Variants in ARHGEF9 observed in about 807,000 individuals in gnomAD.
ARHGEF9 encodes Cdc42 guanine nucleotide exchange factor 9.
ARHGEF9 carries 2 observed loss-of-function variants against 41.3 expected under a neutral mutation model. The observed-to-expected ratio is 0.05, with a 90% confidence interval of 0.02 to 0.15. The LOEUF (loss-of-function observed/expected upper bound fraction) is 0.15. ARHGEF9 is among the 10% of genes least tolerant of loss of function. ARHGEF9 has a pLI of 1.00. For synonymous variants in ARHGEF9, 160 were observed against 154.4 expected, an observed-to-expected ratio of 1.04 and a Z score of -0.27; for missense variants, 225 against 424.7, an observed-to-expected ratio of 0.53 and a Z score of 4.13.
chrX:63,720,558 G>C (rs782653814), intron 2 of ARHGEF9, among the ~76,000 whole-genome samples: 1 of 112,449 alleles, frequency 8.9e-6, no homozygotes, highest in South Asian at 3.7e-4. Flanking sequence ...ACATACCAAA[G>C]GAAGCCAAGA....
At chrX:63,701,005 T>C (rs1421870702) in intron 3 of ARHGEF9, among the ~76,000 whole-genome samples, 1 of 111,687 alleles carries the variant, frequency 9.0e-6, no homozygotes, top group Non-Finnish European at 1.9e-5. Flanking sequence ...ACAACTGGCA[T>C]AAATTAGCTC....
intron 1 of ARHGEF9, among the ~76,000 whole-genome samples, chrX:63,780,610 A>C (rs1471542357): frequency 8.9e-6 from 1 of 112,539 alleles, no homozygotes; most frequent in Non-Finnish European, 1.9e-5. Flanking sequence ...CTTAATACAA[A>C]AAACAAACAA....
At chrX:63,657,452 C>T (rs1164628904) in intron 7 of ARHGEF9, 7 of 111,924 alleles carry the variant, frequency 6.3e-5, no homozygotes, top group South Asian at 3.7e-4. Flanking sequence ...AAGGCCCAGG[C>T]TGGAAAATAC....
intron 1 of ARHGEF9, among the ~76,000 whole-genome samples, chrX:63,757,730 A>G (rs1247784407): frequency 1.2e-4 from 13 of 111,565 alleles, no homozygotes; most frequent in African/African-American, 2.9e-4. Flanking sequence ...TCCCTCCCCA[A>G]TTAAGCCTCT....
chrX:63,746,034 C>T (rs1393840147), intron 1 of ARHGEF9, among the ~76,000 whole-genome samples: 2 of 112,183 alleles, frequency 1.8e-5, no homozygotes, highest in Non-Finnish European at 1.9e-5. Context: ...ATTTTAGTGA[C>T]GTGGAAGCTG....
intron 6 of ARHGEF9, among the ~76,000 whole-genome samples, chrX:63,673,700 A>G (rs2050095816): frequency 9.0e-6 from 1 of 111,016 alleles, no homozygotes; most frequent in African/African-American, 3.3e-5. Flanking sequence ...GTAAATTAGT[A>G]TATACTATTT....
At chrX:63,664,557 A>G (rs1458466879) in intron 7 of ARHGEF9, among the ~76,000 whole-genome samples, 2 of 112,480 alleles carry the variant, frequency 1.8e-5, no homozygotes, top group Non-Finnish European at 3.7e-5. Context: ...ATGGCCACCT[A>G]AATTAACCCT....
intron 4 of ARHGEF9, among the ~76,000 whole-genome samples, chrX:63,686,699 A>T (rs1214892925): frequency 9.0e-6 from 1 of 111,252 alleles, no homozygotes; most frequent in Non-Finnish European, 1.9e-5. Flanking sequence ...AAAATAGCAC[A>T]GTATATGTAG....
chrX:63,780,360 G>A (rs1228645223), intron 1 of ARHGEF9, among the ~76,000 whole-genome samples: 2 of 111,152 alleles, frequency 1.8e-5, no homozygotes, highest in Non-Finnish European at 3.8e-5. Context: ...GATGGCCACC[G>A]AGTCATATAT....
intron 1 of ARHGEF9, among the ~76,000 whole-genome samples, chrX:63,770,603 G>T (rs2056188427): frequency 8.9e-6 from 1 of 112,010 alleles, no homozygotes; most frequent in Non-Finnish European, 1.9e-5. Context: ...GGGACCAAGG[G>T]CGGAATAATA....
chrX:63,638,412 C>T (rs2047427361), intron 9 of ARHGEF9: 3 of 431,243 alleles, frequency 7.0e-6, no homozygotes, highest in Non-Finnish European at 1.2e-5. Context: ...ACCCTACACA[C>T]TTCCACATCT....
At chrX:63,691,518 G>T (rs1556381469) in intron 4 of ARHGEF9, among the ~76,000 whole-genome samples, 1 of 111,267 alleles carries the variant, frequency 9.0e-6, no homozygotes, top group East Asian at 2.8e-4. Flanking sequence ...CATATTGATG[G>T]ATGGGAAGAA....
At chrX:63,662,104 C>T (rs1399886786) in intron 7 of ARHGEF9, among the ~76,000 whole-genome samples, 3 of 111,590 alleles carry the variant, frequency 2.7e-5, no homozygotes, top group African/African-American at 9.8e-5. Context: ...GAGTACCAGG[C>T]ACTCTATCAG....
At chrX:63,656,080 C>G (rs1435153877) in intron 7 of ARHGEF9, among the ~76,000 whole-genome samples, 1 of 111,613 alleles carries the variant, frequency 9.0e-6, no homozygotes, top group Non-Finnish European at 1.9e-5. Context: ...AGCAAGCCCA[C>G]TAGAGGTATG....
chrX:63,717,268 A>G (rs1556410787), intron 2 of ARHGEF9, among the ~76,000 whole-genome samples: 1 of 112,545 alleles, frequency 8.9e-6, no homozygotes, highest in East Asian at 2.8e-4. Flanking sequence ...TAACATTATT[A>G]TGCCTCTTGG....
In ARHGEF9 at chrX:63,710,817, C is replaced by T. The variant is rs112082699; in HGVS notation, c.211-4368G>A. Among the ~76,000 whole-genome samples the T allele has an allele frequency of 8.9e-3, 992 of 110,871 alleles. 9 individuals carry two copies. Among genetic ancestry groups the T allele is most frequent in the African/African-American group, 0.031 (953 of 30,566 alleles). On this transcript the variant is annotated intron_variant, in intron 2 of 9. Coordinates refer to ENST00000671741, the MANE Select transcript of ARHGEF9 (RefSeq NM_001353921.2). ...TTCATCACTTTTATTCAACCTTATA[C>T]TGAAGGTTCTAGCCAGAGCAATTGG...
chrX:63,635,635 A>T lies in ARHGEF9; in HGVS notation c.*2393T>A. 2 of 356,390 alleles carry T rather than the reference A, an allele frequency of 5.6e-6. No individual in the cohort carries two copies. The highest frequency in any genetic ancestry group is 9.6e-6 in the Non-Finnish European group (2 of 208,666). 29.4% of individuals were successfully genotyped at this position (356,390 alleles called of 1,213,427 possible). On this transcript the variant is annotated 3_prime_UTR_variant, in exon 10 of 10. Coordinates refer to ENST00000671741, the MANE Select transcript of ARHGEF9 (RefSeq NM_001353921.2). ...GGCATCAGGTGATGCCAGTGGGTTC[A>T]GTAGAGGAGAAGTGCGGGTTGAGAA... is the stretch of plus-strand genomic sequence containing the variant.
intron 4 of ARHGEF9, among the ~76,000 whole-genome samples, chrX:63,689,361 C>T (rs1456576023): frequency 3.6e-5 from 4 of 111,639 alleles, no homozygotes; most frequent in African/African-American, 1.3e-4. Flanking sequence ...ATATATCATA[C>T]GAAACAGACT....
intron 1 of ARHGEF9, among the ~76,000 whole-genome samples, chrX:63,772,734 G>C (rs1556455663): frequency 9.0e-6 from 1 of 111,048 alleles, no homozygotes. Flanking sequence ...GGGCTTACAA[G>C]GTTCTCTGTG....
Sources: gnomAD v4.1 joint callset for allele counts (sites outside exome capture counted in the v4.1 genomes callset) on GRCh38, gnomAD v4.1.1 for gene constraint, MANE v1.5 for transcripts, NCBI Gene and HGNC (gene_info 2026-07-23, HGNC 2026-07-21) for gene names.